ZNF609: variants seen among roughly 807,000 people sequenced by gnomAD.
ZNF609 encodes the protein zinc finger protein 609.
ZNF609 carries 11 observed loss-of-function variants against 109.5 expected under a neutral mutation model. The observed-to-expected ratio is 0.10, with a 90% CI of 0.06 to 0.17. The LOEUF (loss-of-function observed/expected upper bound fraction) is 0.17. Ranked by LOEUF, ZNF609 falls within the 10% of genes least tolerant of loss-of-function variation. The pLI is 1.00. For synonymous variants in ZNF609, 646 were observed against 662.0 expected (o/e 0.98, Z 0.37); for missense variants, 1,559 against 1,772.4 (o/e 0.88, Z 2.16).
intron 2 of ZNF609, among the ~76,000 whole-genome samples, chr15:64,588,267 A>T (rs1337392091): frequency 2.7e-5 from 4 of 149,436 alleles, no homozygotes; most frequent in Non-Finnish European, 4.5e-5. Flanking sequence ...AATACAAAAA[A>T]AAAAAACAAA....
At chr15:64,577,055 T>TATATGTATATATAC (rs1894982774) in intron 2 of ZNF609, among the ~76,000 whole-genome samples, 3 of 24,594 alleles carry the variant, frequency 1.2e-4, no homozygotes, top group Admixed American at 7.6e-4. Context: ...CATAAATATA[T>TATATGTATATATAC]ACATATATGT....
chr15:64,563,343 C>T (rs141080402), intron 2 of ZNF609, among the ~76,000 whole-genome samples: 2 of 143,286 alleles, frequency 1.4e-5, no homozygotes, highest in African/African-American at 5.2e-5. Context: ...CCAGCTCCCT[C>T]GGGAGGCTGA....
chr15:64,518,322 T>C (rs1468989622), intron 2 of ZNF609, among the ~76,000 whole-genome samples: 1 of 152,152 alleles, frequency 6.6e-6, no homozygotes, highest in Non-Finnish European at 1.5e-5. Flanking sequence ...AAAAGGCTTG[T>C]GCCAGGTGAG....
intron 4 of ZNF609, among the ~76,000 whole-genome samples, chr15:64,673,685 C>T (rs181182355): frequency 2.0e-4 from 31 of 152,248 alleles, no homozygotes; most frequent in Admixed American, 8.5e-4. Context: ...GACTATCTTA[C>T]GGAACAGATT....
At chr15:64,581,682 T>C (rs2140427007) in intron 2 of ZNF609, among the ~76,000 whole-genome samples, 1 of 152,160 alleles carries the variant, frequency 6.6e-6, no homozygotes, top group East Asian at 1.9e-4. Flanking sequence ...TTTTTCACTG[T>C]GATTGCAGGC....
chr15:64,572,262 G>A (rs72742926), intron 2 of ZNF609, among the ~76,000 whole-genome samples: 7,310 of 152,168 alleles, frequency 0.048, 232 homozygotes, highest in South Asian at 0.086. Context: ...TTGGGAAGCC[G>A]AAGTAGGCAG....
Position 64,666,393 on chromosome 15 carries a change from AAAATAAAAATAATT to A in ZNF609, c.974-3940_974-3927del, listed in dbSNP as rs1896649335. The stretch of plus-strand genomic sequence containing the variant: ...TGGACAACAGAGCGAGACTCTGTCC[AAAATAAAAATAATT>A]AAATAAAAATAAAAGTGATTTAAGG... On this transcript the variant is annotated intron_variant, in intron 3 of 9. Coordinates refer to ENST00000326648, the MANE Select transcript of ZNF609 (RefSeq NM_015042.2). Among the ~76,000 whole-genome samples, 5 of 152,344 alleles carry A rather than the reference AAAATAAAAATAATT, an allele frequency of 3.3e-5. No individual in the cohort carries two copies. In the South Asian group the frequency reaches 1.0e-3, roughly 32 times the overall value.
In ZNF609 at chr15:64,680,725, G is replaced by T; in HGVS notation, c.4025G>T (p.Gly1342Val). The T allele has an allele frequency of 1.2e-6, 2 of 1,613,494 alleles. No homozygotes were observed. The highest frequency in any genetic ancestry group is 1.7e-6 in the Non-Finnish European group (2 of 1,179,972). ...GGTGGTGGCAGCTGTAGCAGCGTCG[G>T]GGGAGCAAGTGGGGGTGAACGGAGT... ...VGGGGSCSSV[G>V]GASGGERSVD... Residue 1342 changes from glycine to valine, a missense_variant, in exon 8 of 10, where the codon GGG becomes GTG. Coordinates refer to ENST00000326648, the MANE Select transcript of ZNF609 (RefSeq NM_015042.2).
At chr15:64,617,377 A>C (rs949248386) in intron 2 of ZNF609, among the ~76,000 whole-genome samples, 1 of 151,274 alleles carries the variant, frequency 6.6e-6, no homozygotes, top group African/African-American at 2.4e-5. Context: ...GTGTAGTCCC[A>C]GCTACTTGGG....
At position 64,471,741 on chromosome 15, in the gene ZNF609, G is replaced by A. The variant is rs143341100; in HGVS notation, c.-128+10903G>A. 6.1e-3 allele frequency among the ~76,000 whole-genome samples: 924 copies of A among 151,948 alleles called. 4 individuals are homozygous for A. The highest frequency in any genetic ancestry group is 9.9e-3 in the Non-Finnish European group (674 of 67,962). On this transcript the variant is annotated intron_variant, in intron 1 of 9. Transcript: ENST00000326648. ...TGGCATTACAGGCATGCGGCACCAC[G>A]CCTGGCTAATTTTTTATTTTTAGTG...
intron 2 of ZNF609, chr15:64,592,994 A>AT (rs1895327317): frequency 6.7e-7 from 1 of 1,488,658 alleles, no homozygotes; most frequent in African/African-American, 1.4e-5. Flanking sequence ...AAAGAAAAGA[A>AT]GGAACAATGG....
In ZNF609 at chr15:64,460,578, G is replaced by A. The variant is rs1489447140; in HGVS notation, c.-388G>A. 1.3e-5 allele frequency among the ~76,000 whole-genome samples: 2 copies of A among 152,060 alleles called. No homozygotes were observed. Among genetic ancestry groups the A allele is most frequent in the African/African-American group, 4.8e-5 (2 of 41,412 alleles). On this transcript the variant is annotated 5_prime_UTR_variant, in exon 1 of 10. Coordinates refer to ENST00000326648, the MANE Select transcript of ZNF609 (RefSeq NM_015042.2). ...GTGTCCGCGTCTTCCGGGTGACTCT[G>A]GTTGTCCCGGATCGCGGCGGCGGCG...
At chr15:64,516,427 A>T (rs987533120) in intron 2 of ZNF609, among the ~76,000 whole-genome samples, 12 of 152,150 alleles carry the variant, frequency 7.9e-5, no homozygotes, top group African/African-American at 2.9e-4. Context: ...GCTGGAGTGC[A>T]ATGGCACGAT....
intron 2 of ZNF609, among the ~76,000 whole-genome samples, chr15:64,547,441 C>A (rs1894383453): frequency 6.6e-6 from 1 of 152,136 alleles, no homozygotes; most frequent in South Asian, 2.1e-4. Context: ...TGGATGAATA[C>A]AGTTGCAATA....
At chr15:64,460,197 C>T (rs1892916200), upstream of ZNF609, among the ~76,000 whole-genome samples, 1 of 152,054 alleles carries the variant, frequency 6.6e-6, no homozygotes, top group Non-Finnish European at 1.5e-5. Flanking sequence ...CCTTTCCTCT[C>T]TGTGGTTGAA....
At chr15:64,461,083 A>G (rs1228552247) in intron 1 of ZNF609, among the ~76,000 whole-genome samples, 1 of 148,842 alleles carries the variant, frequency 6.7e-6, no homozygotes, top group Non-Finnish European at 1.5e-5. Context: ...CGGCCGGTTC[A>G]GGCTGAGGGT....
chr15:64,670,542 T>C lies in ZNF609; in HGVS notation c.1061+109T>C. The C allele has an allele frequency of 3.3e-6, 3 of 915,650 alleles. No individual in the cohort carries two copies. In the South Asian group the frequency reaches 4.1e-5, roughly 13 times the overall value. 56.7% of individuals were successfully genotyped at this position (915,650 alleles called of 1,614,324 possible). On this transcript the variant is annotated intron_variant, in intron 4 of 9. Coordinates refer to ENST00000326648, the MANE Select transcript of ZNF609 (RefSeq NM_015042.2). Reference sequence around the variant, plus strand: ...TACATCCAGCTTTTAAAGGACATGATGGTATAGATACCAGGGAAAGCACTG... The same window carrying C: ...TACATCCAGCTTTTAAAGGACATGACGGTATAGATACCAGGGAAAGCACTG...
chr15:64,610,311 C>G (rs1353186400), intron 2 of ZNF609, among the ~76,000 whole-genome samples: 1 of 152,052 alleles, frequency 6.6e-6, no homozygotes, highest in Non-Finnish European at 1.5e-5. Context: ...TGGGCCTACT[C>G]AAACAGAGTG....
chr15:64,537,172 G>A (rs564334194), intron 2 of ZNF609, among the ~76,000 whole-genome samples: 4 of 151,606 alleles, frequency 2.6e-5, no homozygotes, highest in East Asian at 3.9e-4. Flanking sequence ...ACAGTGAGTC[G>A]AGATCGTGCC....
Sources: gnomAD v4.1 joint callset for allele counts (sites outside exome capture counted in the v4.1 genomes callset) on GRCh38, gnomAD v4.1.1 for gene constraint, MANE v1.5 for transcripts, NCBI Gene and HGNC (gene_info 2026-07-23, HGNC 2026-07-21) for gene names.